Variants in SLA2 observed in about 807,000 individuals in gnomAD.
The protein encoded by SLA2 is src-like-adapter 2.
In SLA2, 22 loss-of-function variants were observed where a neutral mutation model predicts 27.3. The ratio of observed to expected loss-of-function variants is 0.81; its 90% CI spans 0.58 to 1.15. The LOEUF (loss-of-function observed/expected upper bound fraction) is 1.15. Among genes scored for constraint, SLA2 ranks in the 50% most tolerant of loss-of-function variants. SLA2 has a pLI of 0.00. For missense variants in SLA2, 304 were observed against 322.2 expected, an observed-to-expected ratio of 0.94 and a Z score of 0.43; for synonymous variants, 131 against 137.8, an observed-to-expected ratio of 0.95 and a Z score of 0.34.
rs757089999 is a variant in SLA2, at chr20:36,630,362, G to A, written c.382+2233C>T. Among the ~76,000 whole-genome samples the A allele has an allele frequency of 3.2e-4, 49 of 152,190 alleles. 1 individual carries two copies. Among genetic ancestry groups the A allele is most frequent in the Admixed American group, 5.9e-4 (9 of 15,266 alleles). On this transcript the variant is annotated intron_variant, in intron 5 of 7. Coordinates refer to ENST00000262866, the MANE Select transcript of SLA2 (RefSeq NM_032214.4). ...GACAAAGAAGCTGGAAAGGGTCCTG[G>A]GAGGGAGACTGAGGCAGAGAACGAA...
At chr20:36,620,971 G>A in intron 5 of SLA2, 1 of 335,908 alleles carries the variant, frequency 3.0e-6, no homozygotes, top group South Asian at 2.9e-5. Flanking sequence ...AGGTGGATCT[G>A]GCAATTTTAC....
chr20:36,637,336 G>A (rs2039461916), intron 2 of SLA2, among the ~76,000 whole-genome samples: 1 of 151,094 alleles, frequency 6.6e-6, no homozygotes, highest in South Asian at 2.1e-4. Context: ...CTGAGTAGCT[G>A]GGATTACAGG....
At chr20:36,630,571 C>T (rs909231615) in intron 5 of SLA2, among the ~76,000 whole-genome samples, 4 of 152,166 alleles carry the variant, frequency 2.6e-5, no homozygotes, top group Admixed American at 6.5e-5. Context: ...CCTGGCTCTG[C>T]ACTTACTAGC....
At chr20:36,638,517 C>G (rs1021862337) in intron 2 of SLA2, among the ~76,000 whole-genome samples, 2 of 152,044 alleles carry the variant, frequency 1.3e-5, no homozygotes, top group Admixed American at 6.6e-5. Context: ...TTAGTAGAGA[C>G]AGGGTTTTAC....
At chr20:36,630,945 C>T (rs2039387875) in intron 5 of SLA2, among the ~76,000 whole-genome samples, 1 of 152,168 alleles carries the variant, frequency 6.6e-6, no homozygotes, top group South Asian at 2.1e-4. Flanking sequence ...GAGATGACTT[C>T]CAGTGGGTTT....
intron 4 of SLA2, 104 bp from the exon 5 acceptor site, chr20:36,632,802 C>T (rs2039405843): frequency 2.4e-6 from 2 of 836,248 alleles, no homozygotes; most frequent in East Asian, 2.7e-5. Flanking sequence ...GGCCCTCCCT[C>T]TCTGGGCCTC....
chr20:36,619,654 A>G (rs1194312448), intron 5 of SLA2, among the ~76,000 whole-genome samples: 2 of 147,862 alleles, frequency 1.4e-5, no homozygotes, highest in East Asian at 4.1e-4. Context: ...TTTTTGAGAC[A>G]GAGTCTCGCT....
chr20:36,622,249 C>A lies in SLA2; in HGVS notation c.383-6875G>T, dbSNP rs530081057. On this transcript the variant is annotated intron_variant, in intron 5 of 7. Transcript: ENST00000262866. ...AAAATTAGCTGGGCATGGTGGCATG[C>A]GCCTGTTGTCCCAGCTACTCAGGAG... Among the ~76,000 whole-genome samples the A allele has an allele frequency of 2.7e-5, 4 of 146,326 alleles. No individual in the cohort carries two copies. In the East Asian group the frequency reaches 8.2e-4, roughly 30 times the overall value.
intron 2 of SLA2, among the ~76,000 whole-genome samples, chr20:36,636,625 T>A (rs11697276): frequency 0.52 from 37,830 of 72,626 alleles, 9,333 homozygotes; most frequent in Non-Finnish European, 0.62. Context: ...AAAAAAAAAA[T>A]ATATATATAT....
rs6101438 is a variant in SLA2 at position 36,614,238 on chromosome 20, C to G, written c.665+67G>C. 4.5e-3 allele frequency: 7,278 copies of G among 1,612,422 alleles called. 300 individuals carry two copies. The African/African-American group carries it at 0.086, about 19-fold the overall frequency. ...GTGACAGGTACATTCCGGGTTGTGG[C>G]TTCCCAGGGGTGGGTCCTTCTAACT... is the stretch of plus-strand genomic sequence containing the variant. On this transcript the variant is annotated intron_variant, in intron 7 of 7. Coordinates refer to ENST00000262866, the MANE Select transcript of SLA2 (RefSeq NM_032214.4).
intron 5 of SLA2, among the ~76,000 whole-genome samples, chr20:36,628,827 A>G (rs946241536): frequency 6.6e-6 from 1 of 151,908 alleles, no homozygotes; most frequent in African/African-American, 2.4e-5. Flanking sequence ...ATGTGCTGGG[A>G]TTACAGGTGT....
Position 36,613,729 on chromosome 20 carries a change from C to T in SLA2, c.*137G>A, listed in dbSNP as rs1353796649. 2.8e-6 allele frequency: 3 copies of T among 1,064,394 alleles called. No homozygotes were observed. The highest frequency in any genetic ancestry group is 3.2e-5 in the African/African-American group (2 of 62,812). The allele number at this position is 1,064,394 out of a possible 1,614,324, so 65.9% of individuals were successfully genotyped here. A position where few individuals can be genotyped will look rare whatever the true frequency, so the allele number is the denominator to read the frequency against. On this transcript the variant is annotated 3_prime_UTR_variant, in exon 8 of 8. Transcript: ENST00000262866. ...GCTAAGAGAGGAAAGAGCAAGGGTA[C>T]AGGTGGGACCCTAGATGCACCTCTG...
chr20:36,642,688 C>T (rs1389363029), intron 1 of SLA2, among the ~76,000 whole-genome samples: 2 of 151,996 alleles, frequency 1.3e-5, no homozygotes, highest in Non-Finnish European at 2.9e-5. Context: ...TGGGTTCAAG[C>T]GATTCTCCTG....
At chr20:36,631,138 A>C (rs2039389724) in intron 5 of SLA2, among the ~76,000 whole-genome samples, 1 of 152,082 alleles carries the variant, frequency 6.6e-6, no homozygotes, top group Admixed American at 6.5e-5. Context: ...CTAGATCCCT[A>C]CTGTGGGCCA....
chr20:36,616,082 A>T (rs957548868), intron 5 of SLA2, among the ~76,000 whole-genome samples: 1 of 152,214 alleles, frequency 6.6e-6, no homozygotes, highest in South Asian at 2.1e-4. Flanking sequence ...GATAGCCAAC[A>T]TGACATTATA....
rs370840717 is a variant in SLA2 at position 36,616,445 on chromosome 20, C to T, written c.383-1071G>A. 1.2e-4 allele frequency among the ~76,000 whole-genome samples: 18 copies of T among 151,842 alleles called. No individual in the cohort carries two copies. In the East Asian group the frequency reaches 3.1e-3, roughly 26 times the overall value. ...TCCTGGGTTGAAGTGATTCCCCCGC[C>T]TCAGCCTCCCGAGTAGCTGGGACTA... On this transcript the variant is annotated intron_variant, in intron 5 of 7. Coordinates refer to ENST00000262866, the MANE Select transcript of SLA2 (RefSeq NM_032214.4).
rs1463405079 is a variant in SLA2, at chr20:36,615,322, G to A, written c.435C>T (p.Ile145=). Reference sequence around the variant, plus strand: ...CAAGGCAGTGGATCCTGTAGTGTCTGATCCGGTCCCAGGATGCAGGGCGGC... The same window carrying A: ...CAAGGCAGTGGATCCTGTAGTGTCTAATCCGGTCCCAGGATGCAGGGCGGC... ...RLSRPASWDR[I]RHYRIHCLDN... is the part of the protein sequence containing the mutation. Residue 145 remains isoleucine (I), a synonymous_variant, in exon 6 of 8, where the codon ATC becomes ATT. Coordinates refer to ENST00000262866, the MANE Select transcript of SLA2 (RefSeq NM_032214.4). The A allele has an allele frequency of 4.3e-6, 7 of 1,614,032 alleles. No individual in the cohort carries two copies. The African/African-American group carries it at 9.3e-5, about 22-fold the overall frequency.
chr20:36,641,144 G>T (rs1245016769), intron 2 of SLA2, 101 bp downstream of exon 2: 3 of 985,618 alleles, frequency 3.0e-6, no homozygotes, highest in Non-Finnish European at 4.8e-6. Context: ...CCTCAGCGGT[G>T]CTTACACTGT....
chr20:36,638,082 G>A (rs184147224), intron 2 of SLA2, among the ~76,000 whole-genome samples: 11 of 151,546 alleles, frequency 7.3e-5, no homozygotes, highest in Non-Finnish European at 1.0e-4. Context: ...TAGTAGAGAC[G>A]GGGTTTCACT....
Sources: allele counts gnomAD v4.1 joint callset (sites outside exome capture counted in the v4.1 genomes callset), GRCh38; gene constraint gnomAD v4.1.1; transcripts MANE v1.5; gene names NCBI Gene and HGNC (gene_info 2026-07-23, HGNC 2026-07-21).